Variants in BARD1 observed in about 807,000 individuals in gnomAD.
BARD1 encodes BRCA1-associated RING domain protein 1.
In BARD1, 73 loss-of-function variants were observed where a neutral mutation model predicts 77.0. That is an observed-to-expected ratio of 0.95 (90% CI 0.79 to 1.15). The LOEUF (loss-of-function observed/expected upper bound fraction) is 1.15, where lower values mean the gene tolerates loss of function less well. BARD1 is among the 50% of genes most tolerant of loss of function. The pLI, the probability that BARD1 is intolerant of heterozygous loss-of-function variation, is 0.00. For missense variants in BARD1, 993 were observed against 938.8 expected, an observed-to-expected ratio of 1.06 and a Z score of -0.75; for synonymous variants, 384 against 338.0, an observed-to-expected ratio of 1.14 and a Z score of -1.49.
intron 7 of BARD1, 70 bp from the exon 8 acceptor site, chr2:214,745,924 T>C (rs1422268983): frequency 5.9e-6 from 9 of 1,534,522 alleles, no homozygotes; most frequent in Non-Finnish European, 8.1e-6. Flanking sequence ...AAACAGACTG[T>C]TACTTGATAT....
chr2:214,791,195 C>T (rs3768704), intron 3 of BARD1, among the ~76,000 whole-genome samples: 21,653 of 152,074 alleles, frequency 0.14, 1,751 homozygotes, highest in East Asian at 0.41. Flanking sequence ...AATACAATGA[C>T]GCAGATAACT....
intron 4 of BARD1, among the ~76,000 whole-genome samples, chr2:214,774,209 T>C (rs972451402): frequency 6.6e-6 from 1 of 152,194 alleles, no homozygotes; most frequent in African/African-American, 2.4e-5. Flanking sequence ...CCATGAAAAC[T>C]GTAATCAACT....
intron 6 of BARD1, among the ~76,000 whole-genome samples, chr2:214,758,504 T>C (rs941547023): frequency 6.6e-6 from 1 of 152,174 alleles, no homozygotes; most frequent in Non-Finnish European, 1.5e-5. Flanking sequence ...TATGATACAA[T>C]TGATGCATGT....
intron 9 of BARD1, among the ~76,000 whole-genome samples, chr2:214,732,393 TTTTC>T: frequency 6.6e-6 from 1 of 152,068 alleles, no homozygotes; most frequent in Middle Eastern, 3.4e-3. Flanking sequence ...GATGATTTTT[TTTTC>T]TTTTTTTTTT....
rs911514118 is a variant in BARD1 at position 214,745,928 on chromosome 2, T to G, written c.1678-74A>C. The G allele has an allele frequency of 2.6e-6, 4 of 1,524,574 alleles. No homozygotes were observed. In the Admixed American group the frequency reaches 5.0e-5, roughly 19 times the overall value. The allele number at this position is 1,524,574 out of a possible 1,614,324, so 94.4% of individuals were successfully genotyped here. A position where few individuals can be genotyped will look rare whatever the true frequency, so the allele number is the denominator to read the frequency against. ...ACAAAGACATTAAACAGACTGTTAC[T>G]TGATATAAGCTTGAATTTCATTACT... On this transcript the variant is annotated intron_variant, in intron 7 of 10. Coordinates refer to ENST00000260947, the MANE Select transcript of BARD1 (RefSeq NM_000465.4).
At chr2:214,738,321 T>C (rs1462381393) in intron 9 of BARD1, among the ~76,000 whole-genome samples, 2 of 152,160 alleles carry the variant, frequency 1.3e-5, no homozygotes, top group African/African-American at 4.8e-5. Context: ...ATTTTTTACA[T>C]ATAGGTAAGC....
chr2:214,754,105 C>G (rs975881845), intron 6 of BARD1, among the ~76,000 whole-genome samples: 1 of 152,038 alleles, frequency 6.6e-6, no homozygotes, highest in East Asian at 1.9e-4. Context: ...TGCTCATATA[C>G]CAACTACACA....
intron 3 of BARD1, among the ~76,000 whole-genome samples, chr2:214,788,964 G>C (rs1047298612): frequency 1.3e-5 from 2 of 152,018 alleles, no homozygotes; most frequent in Admixed American, 1.3e-4. Flanking sequence ...GCCCTTCAAG[G>C]CTAGTTTGTT....
Position 214,728,604 on chromosome 2 carries a change from T to A in BARD1, c.*72A>T, listed in dbSNP as rs1261104584. The A allele has an allele frequency of 6.9e-7, 1 of 1,446,218 alleles. No homozygotes were observed. Among genetic ancestry groups the A allele is most frequent in the Non-Finnish European group, 9.6e-7 (1 of 1,044,148 alleles). 89.6% of individuals were successfully genotyped at this position (1,446,218 alleles called of 1,614,324 possible). On this transcript the variant is annotated 3_prime_UTR_variant, in exon 11 of 11. Transcript: ENST00000260947. Reference sequence around the variant, plus strand: ...TACCTATTTGTAAAAATGTGAACATTAAAAACAGTACAATGACTGGGCTCT... The same window carrying A: ...TACCTATTTGTAAAAATGTGAACATAAAAAACAGTACAATGACTGGGCTCT...
At chr2:214,783,384 A>T (rs1299195858) in intron 3 of BARD1, among the ~76,000 whole-genome samples, 4 of 152,154 alleles carry the variant, frequency 2.6e-5, no homozygotes, top group African/African-American at 9.7e-5. Context: ...ATGCAGCCAT[A>T]AAAAAGAATG....
chr2:214,803,880 G>A (rs1696145835), intron 1 of BARD1, among the ~76,000 whole-genome samples: 1 of 152,106 alleles, frequency 6.6e-6, no homozygotes, highest in African/African-American at 2.4e-5. Context: ...GATAACTTAG[G>A]GAAGAATTAA....
intron 2 of BARD1, among the ~76,000 whole-genome samples, chr2:214,794,476 A>C (rs756671519): frequency 1.3e-5 from 2 of 152,220 alleles, no homozygotes; most frequent in Non-Finnish European, 2.9e-5. Context: ...GATTTGCAAA[A>C]ATGTACAACA....
chr2:214,808,539 CA>C (rs1316912873), intron 1 of BARD1, among the ~76,000 whole-genome samples: 5 of 152,150 alleles, frequency 3.3e-5, no homozygotes, highest in African/African-American at 1.2e-4. Flanking sequence ...CTACAAATAA[CA>C]AAAAAACTGC....
In BARD1 at chr2:214,809,537, C is replaced by A. The variant is rs143914387; in HGVS notation, c.33G>T (p.Gln11His). ...GCTCGTTCCCGGAGCGGATCCTCGG[C>A]TGCCGGTTCCTCGGCTGCCGATTAT... MPDNRQPRNR[Q>H]PRIRSGNEPR... is the part of the protein sequence containing the mutation. Residue 11 changes from glutamine to histidine, a missense_variant, in exon 1 of 11, where the codon CAG becomes CAT. By Grantham distance (24) the Gln-to-His change is conservative. Transcript: ENST00000260947. 2,481 of 1,577,884 alleles carry A rather than the reference C, an allele frequency of 1.6e-3. 5 individuals are homozygous for A. The highest frequency in any genetic ancestry group is 2.6e-3 in the Admixed American group (146 of 57,008).
intron 7 of BARD1, among the ~76,000 whole-genome samples, chr2:214,751,137 A>AT (rs1693413780): frequency 5.5e-5 from 1 of 18,324 alleles, no homozygotes; most frequent in Non-Finnish European, 1.5e-4. Flanking sequence ...ATATATATAT[A>AT]TATATATATA....
chr2:214,753,543 C>T (rs1472546092), intron 6 of BARD1, among the ~76,000 whole-genome samples: 2 of 151,872 alleles, frequency 1.3e-5, no homozygotes, highest in South Asian at 2.1e-4. Flanking sequence ...TGGTATAATA[C>T]TAATTCTGTA....
intron 4 of BARD1, among the ~76,000 whole-genome samples, chr2:214,773,653 C>G (rs1309370983): frequency 6.6e-6 from 1 of 151,914 alleles, no homozygotes; most frequent in Non-Finnish European, 1.5e-5. Flanking sequence ...AATGAACAGA[C>G]CTTAATTGAA....
At chr2:214,793,023 CTA>C (rs1411446402) in intron 2 of BARD1, among the ~76,000 whole-genome samples, 1 of 152,134 alleles carries the variant, frequency 6.6e-6, no homozygotes, top group Non-Finnish European at 1.5e-5. Flanking sequence ...TGATGAAAAT[CTA>C]TACATACTCA....
intron 9 of BARD1, among the ~76,000 whole-genome samples, chr2:214,733,783 A>T (rs916587458): frequency 6.6e-6 from 1 of 152,198 alleles, no homozygotes; most frequent in Non-Finnish European, 1.5e-5. Flanking sequence ...TGTTTTAAAG[A>T]TATTAAGGAT....
Sources: allele counts gnomAD v4.1 joint callset (sites outside exome capture counted in the v4.1 genomes callset), GRCh38; gene constraint gnomAD v4.1.1; transcripts MANE v1.5; gene names NCBI Gene and HGNC (gene_info 2026-07-23, HGNC 2026-07-21).